Variants in CAMKK2 observed in about 807,000 individuals in gnomAD.
The protein encoded by CAMKK2 is calcium/calmodulin dependent protein kinase kinase 2, also known as calcium/calmodulin-dependent protein kinase kinase 2.
Under a neutral mutation model 67.2 loss-of-function variants are expected in CAMKK2, and 30 were observed. The ratio of observed to expected loss-of-function variants is 0.45; its 90% CI spans 0.33 to 0.61. CAMKK2 has a LOEUF of 0.61. Among genes scored for constraint, CAMKK2 ranks in the 20% least tolerant of loss-of-function variants. CAMKK2 has a pLI of 0.02. For missense variants in CAMKK2, 643 were observed against 802.0 expected, an observed-to-expected ratio of 0.80 and a Z score of 2.39; for synonymous variants, 322 against 326.2, an observed-to-expected ratio of 0.99 and a Z score of 0.14.
intron 7 of CAMKK2, among the ~76,000 whole-genome samples, chr12:121,257,833 C>A (rs1892652438): frequency 6.6e-6 from 1 of 152,100 alleles, no homozygotes; most frequent in East Asian, 1.9e-4. Flanking sequence ...TTATTTAAGT[C>A]TTCACTTGCA....
rs1244767346 is a variant in CAMKK2 at position 121,274,483 on chromosome 12, G to A, written c.44C>T (p.Ala15Val). ...CCTGCCCCCCAGCTCATCCTGGGGG[G>A]CGGCCCGGTTGCTGCTGGGCTGGCT... ...VSSQPSSNRA[A>V]PQDELGGRGS... Residue 15 changes from alanine to valine, a missense_variant, in exon 2 of 17, where the codon GCC becomes GTC. Ala to Val is a moderately conservative substitution (Grantham distance 64). Around this residue, in one of 3 missense-constraint regions of CAMKK2, gnomAD observed 483 missense variants for 625.8 expected, o/e 0.77. Coordinates refer to ENST00000404169, the MANE Select transcript of CAMKK2 (RefSeq NM_001270485.2). 3.7e-6 allele frequency: 6 copies of A among 1,612,260 alleles called. No individual in the cohort carries two copies. The highest frequency in any genetic ancestry group is 1.7e-5 in the Admixed American group (1 of 59,862).
chr12:121,255,220 T>A (rs1420749829), intron 9 of CAMKK2, among the ~76,000 whole-genome samples: 5 of 5,846 alleles, frequency 8.6e-4, no homozygotes, highest in Admixed American at 4.2e-3. Context: ...ATATATAATT[T>A]TATATATATA....
In CAMKK2 at chr12:121,244,121, T is replaced by C. The variant is rs922277430; in HGVS notation, c.1596+452A>G. On this transcript the variant is annotated intron_variant, in intron 16 of 16. Transcript: ENST00000404169. ...TGCAACAGGCAGGAAGGGGACTTAT[T>C]TTCTAGGTCTAAACACATCAAAGAA... The C allele has an allele frequency of 2.5e-6, 4 of 1,611,836 alleles. No individual in the cohort carries two copies. The African/African-American group carries it at 5.3e-5, about 22-fold the overall frequency.
Position 121,275,326 on chromosome 12 carries a change from ATACAAAAAT to A in CAMKK2, c.-59-750_-59-742del, listed in dbSNP as rs1246670717. Among the ~76,000 whole-genome samples the A allele has an allele frequency of 6.6e-4, 101 of 152,032 alleles. 2 individuals are homozygous for A. The highest frequency in any genetic ancestry group is 3.5e-4 in the Non-Finnish European group (24 of 68,008). ...TGGTGAAACCTCATCTCTACTAAAA[ATACAAAAAT>A]TAGCCGGGCATGGTGGCGTGTGCCT... On this transcript the variant is annotated intron_variant, in intron 1 of 16. Coordinates refer to ENST00000404169, the MANE Select transcript of CAMKK2 (RefSeq NM_001270485.2).
At chr12:121,265,549 T>C (rs1453500147) in intron 5 of CAMKK2, among the ~76,000 whole-genome samples, 1 of 152,116 alleles carries the variant, frequency 6.6e-6, no homozygotes, top group African/African-American at 2.4e-5. Flanking sequence ...GATACAGCTC[T>C]CATGAATGAG....
rs900665131 is a variant in CAMKK2, at chr12:121,277,093, G to A, written c.-59-2508C>T. Among the ~76,000 whole-genome samples the A allele has an allele frequency of 3.9e-5, 6 of 152,266 alleles. 1 individual carries two copies. Among genetic ancestry groups the A allele is most frequent in the South Asian group, 4.1e-4 (2 of 4,820 alleles). ...GCAGAAAATGGCCCTCAGCGCTCTC[G>A]GAACGGTCCTTCCAGAAGAACTGAT... On this transcript the variant is annotated intron_variant, in intron 1 of 16. Coordinates refer to ENST00000404169, the MANE Select transcript of CAMKK2 (RefSeq NM_001270485.2).
At chr12:121,264,002 T>C in intron 5 of CAMKK2, 63 bp from the exon 6 acceptor site, 6 of 1,439,552 alleles carry the variant, frequency 4.2e-6, no homozygotes, top group Non-Finnish European at 5.6e-6. Flanking sequence ...AGAGGGCAGC[T>C]GCAGGTGGGA....
chr12:121,249,891 G>A lies in CAMKK2; in HGVS notation c.1236-17C>T, dbSNP rs767916626. 38 of 1,613,032 alleles carry A rather than the reference G, an allele frequency of 2.4e-5. No homozygotes were observed. Among genetic ancestry groups the A allele is most frequent in the Middle Eastern group, 1.6e-4 (1 of 6,082 alleles). On this transcript the variant is annotated splice_polypyrimidine_tract_variant and intron_variant, in intron 12 of 16. Transcript: ENST00000404169. ...ATGTCGGGCCTGGGGATGGAGAGGCGTCAGGGTGGCAGACACGGGACCGCC... is the reference window on the plus strand; with the variant it reads ...ATGTCGGGCCTGGGGATGGAGAGGCATCAGGGTGGCAGACACGGGACCGCC...
At chr12:121,250,887 G>A (rs534166768) in intron 11 of CAMKK2, among the ~76,000 whole-genome samples, 4 of 152,306 alleles carry the variant, frequency 2.6e-5, no homozygotes, top group South Asian at 2.1e-4. Context: ...TTTTACAGAA[G>A]AGAAAAACAG....
At chr12:121,273,958 A>G (rs974161180) in intron 2 of CAMKK2, 98 bp downstream of exon 2, 2 of 985,588 alleles carry the variant, frequency 2.0e-6, no homozygotes, top group African/African-American at 3.3e-5. Context: ...TGGCACTCAG[A>G]TCCTTCTGGG....
intron 1 of CAMKK2, among the ~76,000 whole-genome samples, chr12:121,292,111 A>T (rs780098599): frequency 3.2e-4 from 48 of 151,960 alleles, no homozygotes; most frequent in Non-Finnish European, 5.4e-4. Flanking sequence ...AGCTTATATT[A>T]TGTGAATTTC....
At chr12:121,252,741 G>A in intron 10 of CAMKK2, 27 bp from the exon 11 acceptor site, 1 of 1,611,974 alleles carries the variant, frequency 6.2e-7, no homozygotes, top group South Asian at 1.1e-5. Flanking sequence ...TTAGTGTGAG[G>A]GCATAAGGGG....
At chr12:121,267,849 A>G (rs1894932091) in intron 5 of CAMKK2, among the ~76,000 whole-genome samples, 1 of 151,884 alleles carries the variant, frequency 6.6e-6, no homozygotes, top group Non-Finnish European at 1.5e-5. Context: ...TCTGATATCT[A>G]TCAGCATTCA....
chr12:121,292,994 A>G (rs187386997), intron 1 of CAMKK2, among the ~76,000 whole-genome samples: 1 of 150,864 alleles, frequency 6.6e-6, no homozygotes, highest in South Asian at 2.1e-4. Context: ...AGAAAAAAAA[A>G]GCTGGGCGCC....
In CAMKK2 at chr12:121,253,948, A is replaced by C. The variant is rs533411396; in HGVS notation, c.908-476T>G. 6.6e-6 allele frequency among the ~76,000 whole-genome samples: 1 copy of C among 152,290 alleles called. No individual in the cohort carries two copies. The highest frequency in any genetic ancestry group is 2.1e-4 in the South Asian group (1 of 4,826). On this transcript the variant is annotated intron_variant, in intron 9 of 16. Transcript: ENST00000404169. This position sits in a 1 kb window ranked among gnomAD's most constrained non-coding sequence, Gnocchi z 5.0. ...CACACACAGAACTCGGGGCTTGGCT[A>C]ACTCCTCCTGGCTGGATATCAGCCC...
chr12:121,288,342 C>T (rs149878204), intron 1 of CAMKK2, among the ~76,000 whole-genome samples: 1 of 152,196 alleles, frequency 6.6e-6, no homozygotes, highest in Non-Finnish European at 1.5e-5. Context: ...CTCCTCCCCA[C>T]CTTTTGGACA....
In CAMKK2 at chr12:121,268,957, G is replaced by A. The variant is rs113136884; in HGVS notation, c.574-268C>T. ...TCGCCTCTCTCAGCTGGGAAACCAC[G>A]AGCCTCAGGACTTGCTGCCATCGAA... On this transcript the variant is annotated intron_variant, in intron 4 of 16. Coordinates refer to ENST00000404169, the MANE Select transcript of CAMKK2 (RefSeq NM_001270485.2). 2.5e-3 allele frequency among the ~76,000 whole-genome samples: 374 copies of A among 152,232 alleles called. 1 individual carries two copies. Among genetic ancestry groups the A allele is most frequent in the African/African-American group, 8.0e-3 (331 of 41,538 alleles).
intron 1 of CAMKK2, among the ~76,000 whole-genome samples, chr12:121,295,402 T>C (rs2136693706): frequency 6.6e-6 from 1 of 152,270 alleles, no homozygotes; most frequent in South Asian, 2.1e-4. Flanking sequence ...ATGCACACTA[T>C]TTATTCTGAA....
chr12:121,262,726 T>C (rs773850729), intron 6 of CAMKK2, among the ~76,000 whole-genome samples: 19 of 152,052 alleles, frequency 1.2e-4, no homozygotes, highest in Non-Finnish European at 2.2e-4. Flanking sequence ...ACCGGGCTAA[T>C]TTTTTAAATT....
Sources: gnomAD v4.1 joint callset for allele counts (sites outside exome capture counted in the v4.1 genomes callset) on GRCh38, gnomAD v4.1.1 for gene constraint, gnomAD v4.1.1 regional missense constraint, Gnocchi (gnomAD v3.1) non-coding constraint, MANE v1.5 for transcripts, NCBI Gene and HGNC (gene_info 2026-07-23, HGNC 2026-07-21) for gene names.